The following TAS2R1 variants were observed in gnomAD, a reference collection of about 807,000 sequenced individuals.
TAS2R1 encodes taste 2 receptor member 1.
For missense variants in TAS2R1, 370 were observed against 353.4 expected, an observed-to-expected ratio of 1.05 and a Z score of -0.38; for synonymous variants, 141 against 134.2, an observed-to-expected ratio of 1.05 and a Z score of -0.35.
the TAS2R1 span, among the ~76,000 whole-genome samples, chr5:9,874,314 GAAA>G: frequency 1.3e-5 from 2 of 152,250 alleles, no homozygotes; most frequent in East Asian, 1.9e-4. Flanking sequence ...TAAAATTATA[GAAA>G]TAGTAGGTGG....
At chr5:9,711,728 T>C (rs180987992) in intron 1 of TAS2R1, among the ~76,000 whole-genome samples, 1 of 152,280 alleles carries the variant, frequency 6.6e-6, no homozygotes, top group African/African-American at 2.4e-5. Flanking sequence ...AGCGCAGTGG[T>C]GCAATCTCGC....
the TAS2R1 span, among the ~76,000 whole-genome samples, chr5:9,821,706 A>G: frequency 2.0e-5 from 3 of 152,358 alleles, no homozygotes; most frequent in African/African-American, 7.2e-5. Context: ...GGAACCACAG[A>G]CACAAGCATT....
At chr5:9,634,791 A>T (rs562674703), upstream of TAS2R1, among the ~76,000 whole-genome samples, 1 of 152,174 alleles carries the variant, frequency 6.6e-6, no homozygotes, top group Non-Finnish European at 1.5e-5. Context: ...GTGTACACTG[A>T]CTTTGTATCC....
At chr5:9,802,412 AAAG>A in the TAS2R1 span, among the ~76,000 whole-genome samples, 279 of 152,288 alleles carry the variant, frequency 1.8e-3, no homozygotes, top group Non-Finnish European at 3.3e-3. Context: ...CCGTGGAACA[AAAG>A]AATCTGAACA....
the TAS2R1 span, among the ~76,000 whole-genome samples, chr5:9,888,812 G>T: frequency 7.0e-3 from 1,070 of 152,328 alleles, 11 homozygotes; most frequent in Non-Finnish European, 0.012. Context: ...GAGGGTGGGT[G>T]GGGGAGGAGT....
chr5:9,832,246 T>C, the TAS2R1 span, among the ~76,000 whole-genome samples: 4 of 152,346 alleles, frequency 2.6e-5, no homozygotes, highest in South Asian at 2.1e-4. Context: ...TTTCCTTCTT[T>C]TGTTCCAGAT....
intron 1 of TAS2R1, among the ~76,000 whole-genome samples, chr5:9,678,923 C>T (rs1431182159): frequency 6.6e-6 from 1 of 152,026 alleles, no homozygotes; most frequent in African/African-American, 2.4e-5. Flanking sequence ...GCACATGTAC[C>T]CTGGAACTTA....
rs896677361 is a variant in TAS2R1 at position 9,627,755 on chromosome 5, A to G, written c.*1378T>C. ...TTCCTACCTAGTGGGACGTGGGAAAATGAAATAGCAGGAAGATGGAGGCTG... is the reference window on the plus strand; with the variant it reads ...TTCCTACCTAGTGGGACGTGGGAAAGTGAAATAGCAGGAAGATGGAGGCTG... On this transcript the variant is annotated 3_prime_UTR_variant, in exon 1 of 1. Coordinates refer to ENST00000382492, the MANE Select transcript of TAS2R1 (RefSeq NM_019599.3). Among the ~76,000 whole-genome samples, 4 of 152,154 alleles carry G rather than the reference A, an allele frequency of 2.6e-5. No individual in the cohort carries two copies. Among genetic ancestry groups the G allele is most frequent in the African/African-American group, 9.7e-5 (4 of 41,432 alleles).
At chr5:9,837,313 G>A in the TAS2R1 span, among the ~76,000 whole-genome samples, 4 of 152,168 alleles carry the variant, frequency 2.6e-5, no homozygotes, top group African/African-American at 9.7e-5. Context: ...TTATGGTGAC[G>A]GATGGGGTCC....
At chr5:9,636,615 CAT>C (rs1380383506) in intron 2 of TAS2R1, among the ~76,000 whole-genome samples, 5 of 151,990 alleles carry the variant, frequency 3.3e-5, no homozygotes, top group African/African-American at 1.2e-4. Context: ...GTGTTAGGTG[CAT>C]ATATATTTAG....
intron 1 of TAS2R1, among the ~76,000 whole-genome samples, chr5:9,685,953 C>T (rs1285934318): frequency 6.6e-6 from 1 of 152,236 alleles, no homozygotes; most frequent in Non-Finnish European, 1.5e-5. Flanking sequence ...GCAACCTCCA[C>T]CTCCTGGGTT....
the TAS2R1 span, among the ~76,000 whole-genome samples, chr5:9,794,822 T>A: frequency 5.3e-5 from 8 of 152,198 alleles, no homozygotes; most frequent in Non-Finnish European, 1.2e-4. Flanking sequence ...GCAGCTAAGT[T>A]TAGAGTCCTG....
chr5:9,774,618 T>A, the TAS2R1 span, among the ~76,000 whole-genome samples: 1 of 152,252 alleles, frequency 6.6e-6, no homozygotes, highest in Non-Finnish European at 1.5e-5. Flanking sequence ...TGATCTAAGC[T>A]TTTGGTCATG....
chr5:9,700,242 C>T lies in TAS2R1; in HGVS notation c.-242+11930G>A, dbSNP rs147977839. On this transcript the variant is annotated intron_variant, in intron 1 of 2. Transcript: ENST00000506620. ...TCAGTATCCAGCTTAGGGTTCCTAACATTGAAATGGAATCATTCATCAAGG... is the reference window on the plus strand; with the variant it reads ...TCAGTATCCAGCTTAGGGTTCCTAATATTGAAATGGAATCATTCATCAAGG... Among the ~76,000 whole-genome samples the T allele has an allele frequency of 2.6e-4, 39 of 152,228 alleles. No individual in the cohort carries two copies. In the East Asian group the frequency reaches 6.9e-3, roughly 27 times the overall value.
the TAS2R1 span, among the ~76,000 whole-genome samples, chr5:9,811,829 G>T: frequency 2.0e-5 from 3 of 152,050 alleles, no homozygotes; most frequent in African/African-American, 7.2e-5. Context: ...CCCTTATGAT[G>T]TGTTTCTGCC....
chr5:9,845,825 G>A, the TAS2R1 span, among the ~76,000 whole-genome samples: 14 of 152,292 alleles, frequency 9.2e-5, no homozygotes, highest in South Asian at 2.3e-3. Flanking sequence ...TGGACATAAC[G>A]ATTATTGATA....
At chr5:9,656,755 G>T (rs1740424580) in intron 2 of TAS2R1, among the ~76,000 whole-genome samples, 1 of 152,170 alleles carries the variant, frequency 6.6e-6, no homozygotes, top group Admixed American at 6.5e-5. Context: ...ATCAACCACT[G>T]CAGAAGGTAA....
chr5:9,885,849 C>G, the TAS2R1 span, among the ~76,000 whole-genome samples: 4 of 151,874 alleles, frequency 2.6e-5, no homozygotes, highest in South Asian at 4.1e-4. Flanking sequence ...AAAAACAAAA[C>G]TCGCACAGTG....
intron 2 of TAS2R1, among the ~76,000 whole-genome samples, chr5:9,656,889 T>G (rs1740426090): frequency 6.6e-6 from 1 of 152,226 alleles, no homozygotes; most frequent in African/African-American, 2.4e-5. Flanking sequence ...TAATGGCATC[T>G]CTTTGTTCAT....
Sources: gnomAD v4.1 joint callset for allele counts (sites outside exome capture counted in the v4.1 genomes callset) on GRCh38, gnomAD v4.1.1 for gene constraint, MANE v1.5 for transcripts, NCBI Gene and HGNC (gene_info 2026-07-23, HGNC 2026-07-21) for gene names.